Variants in CPLANE1 observed in about 807,000 individuals in gnomAD.
CPLANE1 encodes the protein ciliogenesis and planar polarity effector 1.
A neutral mutation model predicts 362.5 loss-of-function variants in CPLANE1; 263 were observed. The observed-to-expected ratio is 0.73, with a 90% CI of 0.66 to 0.80. CPLANE1 has a LOEUF of 0.80. CPLANE1 is among the 30% of genes least tolerant of loss of function. The pLI, the probability that CPLANE1 is intolerant of heterozygous loss-of-function variation, is 0.00. For missense variants in CPLANE1, 3,461 were observed against 3,793.4 expected, an observed-to-expected ratio of 0.91 and a Z score of 2.30; for synonymous variants, 1,212 against 1,302.6, an observed-to-expected ratio of 0.93 and a Z score of 1.50.
chr5:37,140,041 A>G (rs563142567), intron 44 of CPLANE1: 1 of 941,406 alleles, frequency 1.1e-6, no homozygotes, highest in Admixed American at 6.2e-5. Flanking sequence ...TAAATCCGAG[A>G]AGCAATTTAC....
At chr5:37,167,968 C>T (rs1005201570) in intron 34 of CPLANE1, among the ~76,000 whole-genome samples, 2 of 152,036 alleles carry the variant, frequency 1.3e-5, no homozygotes, top group Admixed American at 6.6e-5. Context: ...TTCTTTGGCT[C>T]GTTATATGTT....
At chr5:37,082,799 CTA>C in the CPLANE1 span, among the ~76,000 whole-genome samples, 1 of 150,508 alleles carries the variant, frequency 6.6e-6, no homozygotes, top group Non-Finnish European at 1.5e-5. Context: ...GCAGGAGTAG[CTA>C]TACTTAGATG....
At chr5:37,160,671 C>CTTTT (rs1328332570) in intron 38 of CPLANE1, among the ~76,000 whole-genome samples, 1 of 138,568 alleles carries the variant, frequency 7.2e-6, no homozygotes, top group Non-Finnish European at 1.6e-5. Context: ...AAAATAATGA[C>CTTTT]TTTTTTTTTT....
At chr5:37,079,462 T>C in the CPLANE1 span, among the ~76,000 whole-genome samples, 1 of 152,246 alleles carries the variant, frequency 6.6e-6, no homozygotes, top group Admixed American at 6.5e-5. Context: ...TTTAAATTAG[T>C]ATCATCTTTT....
chr5:37,193,895 G>T (rs1786400813), intron 21 of CPLANE1, among the ~76,000 whole-genome samples: 1 of 150,290 alleles, frequency 6.7e-6, no homozygotes, highest in Admixed American at 6.6e-5. Context: ...ATAAGCCACC[G>T]CACCTGGCCA....
intron 50 of CPLANE1, among the ~76,000 whole-genome samples, chr5:37,118,580 T>C (rs1405232805): frequency 6.6e-6 from 1 of 152,186 alleles, no homozygotes; most frequent in African/African-American, 2.4e-5. Context: ...TTCCTAGTTG[T>C]ATGATCTTGG....
Position 37,125,406 on chromosome 5 carries a change from A to G in CPLANE1, c.8796T>C (p.Ile2932=), listed in dbSNP as rs745341119. 5.3e-5 allele frequency: 86 copies of G among 1,611,518 alleles called. No individual in the cohort carries two copies. The highest frequency in any genetic ancestry group is 6.9e-5 in the Non-Finnish European group (81 of 1,179,610). ...GTGAATGTCTGCCAGAATAATGCTG[A>G]ATTCTGAGAAATTTAACAAGCAAGA... is the stretch of plus-strand genomic sequence containing the variant. ...LTEQAMGTSR[I]QHYSGRHSQR... is the part of the protein sequence containing the mutation. The change falls in exon 47 of 53, where the codon ATT becomes ATC. Residue 2932 remains isoleucine, a synonymous_variant. Transcript: ENST00000651892.
intron 16 of CPLANE1, chr5:37,210,779 A>G: frequency 7.6e-7 from 1 of 1,313,628 alleles, no homozygotes; most frequent in Non-Finnish European, 1.1e-6. Context: ...TAAACCGCCT[A>G]GCTCAGCTGG....
At chr5:37,244,639 TC>T in intron 4 of CPLANE1, 32 bp from the exon 5 acceptor site, 1 of 1,261,846 alleles carries the variant, frequency 7.9e-7, no homozygotes, top group Non-Finnish European at 1.1e-6. Context: ...TAATTAAGCC[TC>T]TGAAGTCTGA....
In CPLANE1 at chr5:37,209,685, A is replaced by C; in HGVS notation, c.2921-3260T>G. ...TTTGGCAAAAGAAAAGGTATTTACT[A>C]TGCAGGATCTATTACAACTCATTAA... On this transcript the variant is annotated intron_variant, in intron 16 of 52. Coordinates refer to ENST00000651892, the MANE Select transcript of CPLANE1 (RefSeq NM_001384732.1). The surrounding 1 kb of genome is among the most constrained non-coding windows in gnomAD (Gnocchi z 4.6). 7.8e-7 allele frequency: 1 copy of C among 1,284,528 alleles called. No homozygotes were observed. The highest frequency in any genetic ancestry group is 1.1e-6 in the Non-Finnish European group (1 of 882,194). 79.6% of individuals were successfully genotyped at this position (1,284,528 alleles called of 1,614,324 possible).
rs1243792283 is a variant in CPLANE1 at position 37,224,752 on chromosome 5, A to G, written c.2292-12T>C. 2 of 1,534,672 alleles carry G rather than the reference A, an allele frequency of 1.3e-6. No individual in the cohort carries two copies. Among genetic ancestry groups the G allele is most frequent in the African/African-American group, 1.4e-5 (1 of 72,576 alleles). ...AGAGAATAAGCAATCTGCACATAAAATCAGGTAATTATCAAAAGCAAATTT... is the reference window on the plus strand; with the variant it reads ...AGAGAATAAGCAATCTGCACATAAAGTCAGGTAATTATCAAAAGCAAATTT... On this transcript the variant is annotated splice_polypyrimidine_tract_variant and intron_variant, in intron 12 of 52. Transcript: ENST00000651892.
chr5:37,107,393 T>G lies in CPLANE1; in HGVS notation c.*209A>C. On this transcript the variant is annotated 3_prime_UTR_variant, in exon 53 of 53. Coordinates refer to ENST00000651892, the MANE Select transcript of CPLANE1 (RefSeq NM_001384732.1). ...ATCAAATACAAAAACATATAATACA[T>G]CAATAGTCAACCCTTTCCCCATAAA... The G allele has an allele frequency of 7.9e-7, 1 of 1,258,468 alleles. No homozygotes were observed. The highest frequency in any genetic ancestry group is 1.0e-6 in the Non-Finnish European group (1 of 998,698). The allele number at this position is 1,258,468 out of a possible 1,614,324, so 78.0% of individuals were successfully genotyped here.
the CPLANE1 span, chr5:37,085,011 TACAC>T: frequency 6.7e-6 from 4 of 600,060 alleles, no homozygotes; most frequent in Admixed American, 5.6e-5. Context: ...TTAGAATTCT[TACAC>T]ACACCGGAAG....
Position 37,107,068 on chromosome 5 carries a change from CTT to C in CPLANE1, c.*532_*533del. 2 of 985,406 alleles carry C rather than the reference CTT, an allele frequency of 2.0e-6. No individual in the cohort carries two copies. The highest frequency in any genetic ancestry group is 2.4e-6 in the Non-Finnish European group (2 of 829,934). 61.0% of individuals were successfully genotyped at this position (985,406 alleles called of 1,614,324 possible). ...AGAAGATCTCCTGGCCTCCATGAAA[CTT>C]TGCTTATTTAGAGATTCAGGGTTGG... On this transcript the variant is annotated 3_prime_UTR_variant, in exon 53 of 53. Transcript: ENST00000651892.
At chr5:37,175,828 A>G in intron 31 of CPLANE1, 81 bp downstream of exon 31, 1 of 912,670 alleles carries the variant, frequency 1.1e-6, no homozygotes, top group Non-Finnish European at 1.7e-6. Flanking sequence ...TGTTTCAAAA[A>G]TGGTACAGTC....
At chr5:37,204,645 A>C (rs533366474) in intron 18 of CPLANE1, among the ~76,000 whole-genome samples, 2 of 152,072 alleles carry the variant, frequency 1.3e-5, no homozygotes, top group African/African-American at 4.8e-5. Flanking sequence ...GTGTAAAGGT[A>C]TGTATGAAGG....
intron 42 of CPLANE1, among the ~76,000 whole-genome samples, chr5:37,149,230 T>C (rs1772741464): frequency 1.3e-5 from 2 of 152,074 alleles, no homozygotes; most frequent in Admixed American, 6.6e-5. Context: ...ACCTTATATA[T>C]AGTTGTCCCT....
At position 37,201,648 on chromosome 5, in the gene CPLANE1, G is replaced by A. The variant is rs200449169; in HGVS notation, c.3450C>T (p.Phe1150=). The change falls in exon 19 of 53, where the codon TTC becomes TTT. Residue 1150 remains phenylalanine, a synonymous_variant. Coordinates refer to ENST00000651892, the MANE Select transcript of CPLANE1 (RefSeq NM_001384732.1). ...ATGGAGGAGCTGGAAGATACAAGCC[G>A]AATGGCACTAAGCCCCACAGTCTTT... ...FSKRLWGLVP[F]GLYLPAPPLY... The A allele has an allele frequency of 2.4e-5, 38 of 1,614,038 alleles. No homozygotes were observed. The highest frequency in any genetic ancestry group is 7.7e-5 in the South Asian group (7 of 91,088).
At chr5:37,224,831 A>G in intron 12 of CPLANE1, 91 bp from the exon 13 acceptor site, 1 of 751,136 alleles carries the variant, frequency 1.3e-6, no homozygotes, top group Non-Finnish European at 2.2e-6. Context: ...TTTTGCCTGT[A>G]TTCTTCATCG....
Sources: gnomAD v4.1 joint callset for allele counts (sites outside exome capture counted in the v4.1 genomes callset) on GRCh38, gnomAD v4.1.1 for gene constraint, Gnocchi (gnomAD v3.1) non-coding constraint, MANE v1.5 for transcripts, NCBI Gene and HGNC (gene_info 2026-07-23, HGNC 2026-07-21) for gene names.